The following CTPS1 variants were observed in gnomAD, a reference collection of about 807,000 sequenced individuals.
The protein encoded by CTPS1 is CTP synthase 1.
CTPS1 carries 25 observed loss-of-function variants against 80.5 expected under a neutral mutation model. The ratio of observed to expected loss-of-function variants is 0.31; its 90% CI spans 0.23 to 0.43. CTPS1 has a LOEUF of 0.43. Ranked by LOEUF, CTPS1 falls within the 20% of genes least tolerant of loss-of-function variation. The pLI is 1.00. For missense variants in CTPS1, 442 were observed against 725.7 expected (o/e 0.61, Z 4.49); for synonymous variants, 267 against 252.5 (o/e 1.06, Z -0.54).
At position 40,984,873 on chromosome 1, in the gene CTPS1, CTA is replaced by C; in HGVS notation, c.221_222del (p.Tyr74Ter). ...GGEVDLDLGN[Y>X]ERFLDIRLTK... ...GGGAAGTAGACCTTGACCTGGGTAA[CTA>C]TGAGCGGTTCCTTGACATCCGCCTC... On this transcript the variant is annotated frameshift_variant, in exon 3 of 19. Transcript: ENST00000650070. LOFTEE classifies it high-confidence loss of function. The C allele has an allele frequency of 6.2e-7, 1 of 1,602,098 alleles. No individual in the cohort carries two copies. The highest frequency in any genetic ancestry group is 8.5e-7 in the Non-Finnish European group (1 of 1,172,414).
chr1:40,993,205 G>T (rs1011713067), intron 7 of CTPS1, among the ~76,000 whole-genome samples: 1 of 151,320 alleles, frequency 6.6e-6, no homozygotes, highest in Non-Finnish European at 1.5e-5. Context: ...CACCTGCCAC[G>T]ATGCCGAGCT....
chr1:40,987,019 C>T (rs1459504331), intron 3 of CTPS1, among the ~76,000 whole-genome samples: 2 of 152,160 alleles, frequency 1.3e-5, no homozygotes, highest in Non-Finnish European at 2.9e-5. Context: ...TGGAAGTGCA[C>T]TGAAGTGTAA....
At chr1:41,001,344 T>C (rs1642898876) in intron 10 of CTPS1, among the ~76,000 whole-genome samples, 1 of 152,280 alleles carries the variant, frequency 6.6e-6, no homozygotes, top group Non-Finnish European at 1.5e-5. Context: ...CATATGCATC[T>C]ATTGATGAGG....
chr1:40,995,897 A>C lies in CTPS1; in HGVS notation c.721-20A>C, dbSNP rs986372152. The C allele has an allele frequency of 6.2e-7, 1 of 1,604,018 alleles. No individual in the cohort carries two copies. The highest frequency in any genetic ancestry group is 8.5e-7 in the Non-Finnish European group (1 of 1,173,550). ...GGTGAGTTTTTGCTTTTATTTAATAACTTGCTTTTTTCTAAACAGGTGATC... is the reference window on the plus strand; with the variant it reads ...GGTGAGTTTTTGCTTTTATTTAATACCTTGCTTTTTTCTAAACAGGTGATC... On this transcript the variant is annotated intron_variant, in intron 7 of 18. Transcript: ENST00000650070.
intron 14 of CTPS1, 127 bp from the exon 15 acceptor site, chr1:41,008,532 A>T: frequency 2.1e-6 from 2 of 949,952 alleles, no homozygotes; most frequent in South Asian, 1.4e-5. Flanking sequence ...TAGCAGATTC[A>T]TAGAAATAGC....
chr1:41,010,040 C>T, intron 17 of CTPS1, 121 bp from the exon 18 acceptor site: 1 of 639,204 alleles, frequency 1.6e-6, no homozygotes, highest in South Asian at 2.0e-5. Context: ...ATGTAGCAAA[C>T]AGTCTTTGTG....
chr1:41,006,133 G>A, intron 13 of CTPS1, 39 bp downstream of exon 13: 1 of 1,516,422 alleles, frequency 6.6e-7, no homozygotes, highest in Non-Finnish European at 9.1e-7. Context: ...GCTTAGAAGG[G>A]TGTAGAAGGG....
intron 1 of CTPS1, chr1:40,980,272 G>GCGGGCCT (rs1472597559): frequency 6.6e-6 from 1 of 151,968 alleles, no homozygotes; most frequent in African/African-American, 2.4e-5. Flanking sequence ...TTCAAGCAGT[G>GCGGGCCT]CGGGCCTCGG....
intron 7 of CTPS1, among the ~76,000 whole-genome samples, chr1:40,992,848 C>T (rs1558145528): frequency 6.6e-6 from 1 of 151,670 alleles, no homozygotes; most frequent in Non-Finnish European, 1.5e-5. Context: ...TGTGCACCAC[C>T]ACTCCTGGCT....
intron 13 of CTPS1, among the ~76,000 whole-genome samples, chr1:41,006,822 G>C (rs755490874): frequency 3.3e-5 from 5 of 152,170 alleles, no homozygotes; most frequent in Non-Finnish European, 7.4e-5. Flanking sequence ...TTGATCTCAC[G>C]GCACTTAGAC....
chr1:41,003,038 A>G, intron 11 of CTPS1, 76 bp from the exon 12 acceptor site: 4 of 1,454,184 alleles, frequency 2.8e-6, no homozygotes, highest in Non-Finnish European at 3.9e-6. Context: ...CACAAAGGCC[A>G]TTGCAGAGGC....
Position 40,995,902 on chromosome 1 carries a change from C to A in CTPS1, c.721-15C>A. On this transcript the variant is annotated splice_polypyrimidine_tract_variant and intron_variant, in intron 7 of 18. Transcript: ENST00000650070. ...GTTTTTGCTTTTATTTAATAACTTG[C>A]TTTTTTCTAAACAGGTGATCTGTGT... 6.2e-7 allele frequency: 1 copy of A among 1,604,640 alleles called. No individual in the cohort carries two copies. Among genetic ancestry groups the A allele is most frequent in the Non-Finnish European group, 8.5e-7 (1 of 1,173,954 alleles).
intron 7 of CTPS1, 95 bp from the exon 8 acceptor site, chr1:40,995,822 A>G (rs1642737863): frequency 7.8e-7 from 1 of 1,274,702 alleles, no homozygotes; most frequent in Non-Finnish European, 1.1e-6. Flanking sequence ...CTGTTTTCAA[A>G]TACATAATAT....
Position 41,007,299 on chromosome 1 carries a change from G to A in CTPS1, c.1297-150G>A. On this transcript the variant is annotated intron_variant, in intron 13 of 18. Coordinates refer to ENST00000650070, the MANE Select transcript of CTPS1 (RefSeq NM_001905.4). The surrounding 1 kb of genome is among the most constrained non-coding windows in gnomAD (Gnocchi z 4.4). ...CCGAGGTTACAAATGCCAACTGGGA[G>A]GCATTTTCTTCTGTGACAAAATGTC... The A allele has an allele frequency of 1.5e-6, 1 of 665,898 alleles. No homozygotes were observed. Among genetic ancestry groups the A allele is most frequent in the Non-Finnish European group, 2.6e-6 (1 of 387,982 alleles). 41.2% of individuals were successfully genotyped at this position (665,898 alleles called of 1,614,324 possible).
chr1:40,986,774 TCA>T (rs1403346591), intron 3 of CTPS1, among the ~76,000 whole-genome samples: 7 of 152,324 alleles, frequency 4.6e-5, no homozygotes, highest in Admixed American at 4.6e-4. Context: ...AGGTGCTGTC[TCA>T]CAAAATTTCC....
chr1:40,997,913 T>A (rs1353154094), intron 9 of CTPS1, among the ~76,000 whole-genome samples: 1 of 152,212 alleles, frequency 6.6e-6, no homozygotes, highest in Non-Finnish European at 1.5e-5. Context: ...TGCTTATCAC[T>A]TATTGCAGAG....
chr1:41,001,516 G>A, intron 10 of CTPS1: 1 of 226,750 alleles, frequency 4.4e-6, no homozygotes, highest in Non-Finnish European at 8.7e-6. Flanking sequence ...TCTTCTGAGT[G>A]TCTTGGTCAG....
At chr1:40,988,913 T>G (rs563125952) in intron 5 of CTPS1, among the ~76,000 whole-genome samples, 1 of 152,360 alleles carries the variant, frequency 6.6e-6, no homozygotes, top group African/African-American at 2.4e-5. Context: ...ATCAGGGCAG[T>G]TGCATTTGCA....
At chr1:41,006,176 A>G (rs1643029139) in intron 13 of CTPS1, 82 bp downstream of exon 13, 6 of 1,207,028 alleles carry the variant, frequency 5.0e-6, no homozygotes, top group Non-Finnish European at 7.4e-6. Context: ...ATTAGAGACA[A>G]GAAGTGAGAC....
Sources: allele counts gnomAD v4.1 joint callset (sites outside exome capture counted in the v4.1 genomes callset), GRCh38; gene constraint gnomAD v4.1.1; non-coding constraint Gnocchi (gnomAD v3.1); transcripts MANE v1.5; gene names NCBI Gene and HGNC (gene_info 2026-07-23, HGNC 2026-07-21).